Variants in OR1J2 observed in about 807,000 individuals in gnomAD.
OR1J2 encodes olfactory receptor family 1 subfamily J member 2, also known as olfactory receptor 1J2.
For missense variants in OR1J2, 304 were observed against 246.1 expected, an observed-to-expected ratio of 1.24 and a Z score of -1.57; for synonymous variants, 142 against 99.7, an observed-to-expected ratio of 1.42 and a Z score of -2.52.
At chr9:122,519,364 C>CT in the OR1J2 span, 3 of 1,614,052 alleles carry the variant, frequency 1.9e-6, no homozygotes, top group African/African-American at 4.0e-5. Context: ...TCCCTTTCAT[C>CT]TGTCACTGTC....
At chr9:122,537,429 G>T in the OR1J2 span, among the ~76,000 whole-genome samples, 9 of 152,088 alleles carry the variant, frequency 5.9e-5, no homozygotes, top group African/African-American at 2.2e-4. Context: ...CTTAAAACAG[G>T]TACTGAGTAT....
In OR1J2 at chr9:122,511,282, C is replaced by T; in HGVS notation, c.481C>T (p.Leu161Phe). ...LSCASSLSHT[L>F]LLTRLSFCAA... ...TTGTGCCAGCTCCCTCTCTCACACCCTTCTCCTGACCCGGCTGTCTTTCTG... is the reference window on the plus strand; with the variant it reads ...TTGTGCCAGCTCCCTCTCTCACACCTTTCTCCTGACCCGGCTGTCTTTCTG... Residue 161 changes from leucine (L) to phenylalanine (F), a missense_variant, in exon 1 of 1, where the codon CTT becomes TTT. Coordinates refer to ENST00000335302, the MANE Select transcript of OR1J2 (RefSeq NM_054107.1). The T allele has an allele frequency of 1.3e-6, 1 of 744,412 alleles. No homozygotes were observed. The highest frequency in any genetic ancestry group is 2.5e-6 in the Non-Finnish European group (1 of 402,400). 46.1% of individuals were successfully genotyped at this position (744,412 alleles called of 1,614,324 possible).
the OR1J2 span, among the ~76,000 whole-genome samples, chr9:122,452,988 A>G: frequency 6.8e-6 from 1 of 146,898 alleles, no homozygotes; most frequent in Non-Finnish European, 1.5e-5. Context: ...AGATCACGCC[A>G]TTGCACTCCA....
chr9:122,552,649 G>A, the OR1J2 span, among the ~76,000 whole-genome samples: 1 of 152,010 alleles, frequency 6.6e-6, no homozygotes, highest in Non-Finnish European at 1.5e-5. Context: ...GTACAGGACT[G>A]GTTTGAATGG....
the OR1J2 span, among the ~76,000 whole-genome samples, chr9:122,464,904 T>C: frequency 6.6e-6 from 1 of 152,244 alleles, no homozygotes; most frequent in Non-Finnish European, 1.5e-5. Flanking sequence ...GAAAGACAGT[T>C]TGTCTTTCTG....
At chr9:122,466,408 G>A in the OR1J2 span, among the ~76,000 whole-genome samples, 2 of 152,136 alleles carry the variant, frequency 1.3e-5, no homozygotes, top group Non-Finnish European at 2.9e-5. Context: ...TACTCAAGTA[G>A]GCTGTAATTC....
At chr9:122,554,742 AAAAG>A in the OR1J2 span, among the ~76,000 whole-genome samples, 1 of 152,204 alleles carries the variant, frequency 6.6e-6, no homozygotes, top group South Asian at 2.1e-4. Flanking sequence ...CAATAGGAGA[AAAAG>A]AATTAATATA....
the OR1J2 span, among the ~76,000 whole-genome samples, chr9:122,495,207 C>T: frequency 6.6e-6 from 1 of 152,038 alleles, no homozygotes; most frequent in Non-Finnish European, 1.5e-5. Flanking sequence ...ATTCTTTGAA[C>T]TTCTTATATT....
the OR1J2 span, among the ~76,000 whole-genome samples, chr9:122,489,382 CTG>C: frequency 6.6e-6 from 1 of 152,068 alleles, no homozygotes; most frequent in Non-Finnish European, 1.5e-5. Context: ...ACTCACCAGA[CTG>C]TGGAGGATTC....
the OR1J2 span, among the ~76,000 whole-genome samples, chr9:122,541,826 G>T: frequency 6.6e-6 from 1 of 152,156 alleles, no homozygotes. Context: ...CTTCCCATCA[G>T]TTTCCACAAA....
the OR1J2 span, chr9:122,478,058 T>TA: frequency 1.6e-6 from 1 of 643,272 alleles, no homozygotes; most frequent in East Asian, 2.8e-5. Flanking sequence ...CATATTTTCT[T>TA]ACATTTGCCA....
chr9:122,536,609 G>A, the OR1J2 span, among the ~76,000 whole-genome samples: 1 of 152,200 alleles, frequency 6.6e-6, no homozygotes, highest in African/African-American at 2.4e-5. Flanking sequence ...ATTTGCATTC[G>A]AGAACTGACA....
chr9:122,450,778 C>T, the OR1J2 span, among the ~76,000 whole-genome samples: 1 of 152,156 alleles, frequency 6.6e-6, no homozygotes, highest in African/African-American at 2.4e-5. Context: ...CCTCTGCTAA[C>T]CACTGTTCTA....
the OR1J2 span, among the ~76,000 whole-genome samples, chr9:122,533,420 G>A: frequency 3.2e-3 from 488 of 152,224 alleles, 3 homozygotes; most frequent in Non-Finnish European, 4.1e-3. Context: ...GGTTTTAATG[G>A]GATGGTAAGT....
the OR1J2 span, among the ~76,000 whole-genome samples, chr9:122,558,919 CTTAA>C: frequency 6.6e-6 from 1 of 151,264 alleles, no homozygotes; most frequent in Admixed American, 6.6e-5. Flanking sequence ...TTATTTTATC[CTTAA>C]TTGACACAAT....
At chr9:122,550,221 A>G in the OR1J2 span, among the ~76,000 whole-genome samples, 1 of 152,166 alleles carries the variant, frequency 6.6e-6, no homozygotes, top group Admixed American at 6.5e-5. Flanking sequence ...GAAATGCTAA[A>G]TAAACCAATA....
chr9:122,526,404 C>G, the OR1J2 span: 6 of 1,510,492 alleles, frequency 4.0e-6, no homozygotes, highest in Non-Finnish European at 4.4e-6. Flanking sequence ...CTTTAGGGCC[C>G]CCTTCATGTC....
At chr9:122,532,131 G>A in the OR1J2 span, among the ~76,000 whole-genome samples, 1 of 73,962 alleles carries the variant, frequency 1.4e-5, no homozygotes, top group Non-Finnish European at 2.6e-5. Flanking sequence ...TAATCCCTGG[G>A]AAGTAGTAGA....
the OR1J2 span, among the ~76,000 whole-genome samples, chr9:122,494,856 A>T: frequency 6.6e-6 from 1 of 152,158 alleles, no homozygotes; most frequent in East Asian, 1.9e-4. Context: ...GCTCCCTTTA[A>T]CAGATCTTGT....
Sources: gnomAD v4.1 joint callset for allele counts (sites outside exome capture counted in the v4.1 genomes callset) on GRCh38, gnomAD v4.1.1 for gene constraint, MANE v1.5 for transcripts, NCBI Gene and HGNC (gene_info 2026-07-23, HGNC 2026-07-21) for gene names.